Variants in PNPO observed in about 807,000 individuals in gnomAD.
The protein encoded by PNPO is pyridoxamine 5'-phosphate oxidase.
PNPO carries 39 observed loss-of-function variants against 35.0 expected under a neutral mutation model. The observed-to-expected ratio is 1.11, with a 90% CI of 0.86 to 1.45. The LOEUF (loss-of-function observed/expected upper bound fraction) is 1.45, where lower values mean the gene tolerates loss of function less well. PNPO is among the 40% of genes most tolerant of loss of function. PNPO has a pLI of 0.00. For synonymous variants in PNPO, 115 were observed against 119.8 expected (o/e 0.96, Z 0.26); for missense variants, 288 against 340.0 (o/e 0.85, Z 1.20).
intron 2 of PNPO, among the ~76,000 whole-genome samples, chr17:47,944,236 T>TGTGTGTG (rs56185758): frequency 2.1e-5 from 3 of 140,352 alleles, no homozygotes; most frequent in African/African-American, 8.0e-5. Flanking sequence ...TGTGTGTGTG[T>TGTGTGTG]TGTGGAGGGC....
chr17:47,945,720 C>A lies in PNPO; in HGVS notation c.417+108C>A. 7.0e-7 allele frequency: 1 copy of A among 1,433,068 alleles called. No individual in the cohort carries two copies. The highest frequency in any genetic ancestry group is 9.8e-7 in the Non-Finnish European group (1 of 1,017,684). The allele number at this position is 1,433,068 out of a possible 1,614,324, so 88.8% of individuals were successfully genotyped here. On this transcript the variant is annotated intron_variant, in intron 4 of 6. Transcript: ENST00000642017. This position sits in a 1 kb window ranked among gnomAD's most constrained non-coding sequence, Gnocchi z 4.0. ...AGACTGGGCAAACATCCCAGCTGGG[C>A]ACTCTGCCTCTAAAATAGCCCTCAG...
chr17:47,942,043 T>A, intron 1 of PNPO: 1 of 1,321,388 alleles, frequency 7.6e-7, no homozygotes, highest in Non-Finnish European at 9.7e-7. Context: ...AGGCAGCCTT[T>A]CGTAATGGGT....
Position 47,945,498 on chromosome 17 carries a change from C to A in PNPO, c.364-61C>A. ...CTACAGCTCTCCTGCCTTTTCCCTGCATGCCGGAGGCCTCCTCTCCCTGTC... is the reference window on the plus strand; with the variant it reads ...CTACAGCTCTCCTGCCTTTTCCCTGAATGCCGGAGGCCTCCTCTCCCTGTC... On this transcript the variant is annotated intron_variant, in intron 3 of 6. Coordinates refer to ENST00000642017, the MANE Select transcript of PNPO (RefSeq NM_018129.4). The surrounding 1 kb of genome is among the most constrained non-coding windows in gnomAD (Gnocchi z 4.0). The A allele has an allele frequency of 1.5e-6, 2 of 1,333,216 alleles. No individual in the cohort carries two copies. The highest frequency in any genetic ancestry group is 2.2e-6 in the Non-Finnish European group (2 of 923,868). The allele number at this position is 1,333,216 out of a possible 1,614,324, so 82.6% of individuals were successfully genotyped here. A position where few individuals can be genotyped will look rare whatever the true frequency, so the allele number is the denominator to read the frequency against.
chr17:47,946,435 C>T (rs575928781), intron 6 of PNPO, 42 bp downstream of exon 6: 1 of 1,520,384 alleles, frequency 6.6e-7, no homozygotes, highest in South Asian at 1.1e-5. Context: ...GACACCAGGC[C>T]CCTGTGTTTA....
intron 1 of PNPO, among the ~76,000 whole-genome samples, chr17:47,942,435 G>A (rs1470809585): frequency 2.0e-5 from 3 of 152,152 alleles, no homozygotes; most frequent in Non-Finnish European, 4.4e-5. Context: ...GTGCCAGGTG[G>A]GCATGGTCAT....
In PNPO at chr17:47,941,640, C is replaced by CG; in HGVS notation, c.-33dup. 3 of 1,509,542 alleles carry CG rather than the reference C, an allele frequency of 2.0e-6. No homozygotes were observed. Among genetic ancestry groups the CG allele is most frequent in the Non-Finnish European group, 2.7e-6 (3 of 1,120,732 alleles). The allele number at this position is 1,509,542 out of a possible 1,614,324, so 93.5% of individuals were successfully genotyped here. ...TTCCGAACTCAAAGGAACCCAGTGC[C>CG]GGGCCACAGCCGGGTCACGTGGCCG... On this transcript the variant is annotated 5_prime_UTR_variant, in exon 1 of 7. Coordinates refer to ENST00000642017, the MANE Select transcript of PNPO (RefSeq NM_018129.4).
intron 6 of PNPO, 69 bp downstream of exon 6, chr17:47,946,462 T>G (rs2036010245): frequency 7.1e-7 from 1 of 1,410,940 alleles, no homozygotes; most frequent in Non-Finnish European, 1.0e-6. Context: ...GCCACCTGCC[T>G]GGGGAATCAC....
Position 47,948,227 on chromosome 17 carries a change from T to G in PNPO, c.*1445T>G, listed in dbSNP as rs1294967503. 6.6e-6 allele frequency: 1 copy of G among 152,236 alleles called. No individual in the cohort carries two copies. The highest frequency in any genetic ancestry group is 1.5e-5 in the Non-Finnish European group (1 of 68,044). 9.4% of individuals were successfully genotyped at this position (152,236 alleles called of 1,614,324 possible). A position where few individuals can be genotyped will look rare whatever the true frequency, so the allele number is the denominator to read the frequency against. On this transcript the variant is annotated 3_prime_UTR_variant, in exon 7 of 7. Transcript: ENST00000642017. ...TGTTTTTTTATGGAAACTGTGTGTA[T>G]GTATACATACATTTTCCAAAAAGAA...
chr17:47,945,713 A>G lies in PNPO; in HGVS notation c.417+101A>G. On this transcript the variant is annotated intron_variant, in intron 4 of 6. Coordinates refer to ENST00000642017, the MANE Select transcript of PNPO (RefSeq NM_018129.4). The surrounding 1 kb of genome is among the most constrained non-coding windows in gnomAD (Gnocchi z 4.0). Reference sequence around the variant, plus strand: ...GGTCCCCAGACTGGGCAAACATCCCAGCTGGGCACTCTGCCTCTAAAATAG... The same window carrying G: ...GGTCCCCAGACTGGGCAAACATCCCGGCTGGGCACTCTGCCTCTAAAATAG... 6.9e-7 allele frequency: 1 copy of G among 1,440,160 alleles called. No individual in the cohort carries two copies. Among genetic ancestry groups the G allele is most frequent in the Non-Finnish European group, 9.8e-7 (1 of 1,023,124 alleles). 89.2% of individuals were successfully genotyped at this position (1,440,160 alleles called of 1,614,324 possible).
chr17:47,945,797 G>A lies in PNPO; in HGVS notation c.418-64G>A, dbSNP rs9894340. 7.0e-3 allele frequency: 11,086 copies of A among 1,589,292 alleles called. 567 individuals carry two copies. In the African/African-American group the frequency reaches 0.12, roughly 17 times the overall value. ...AGCCGATCGAACAGAGAGGAACGGG[G>A]CCTGTGCTGGTAGGGAGGGCAGGTG... On this transcript the variant is annotated intron_variant, in intron 4 of 6. Coordinates refer to ENST00000642017, the MANE Select transcript of PNPO (RefSeq NM_018129.4). The surrounding 1 kb of genome is among the most constrained non-coding windows in gnomAD (Gnocchi z 4.0).
rs1050911927 is a variant in PNPO at position 47,946,700 on chromosome 17, G to A, written c.704G>A (p.Gly235Asp). The A allele has an allele frequency of 1.2e-6, 2 of 1,614,060 alleles. No homozygotes were observed. The highest frequency in any genetic ancestry group is 1.7e-6 in the Non-Finnish European group (2 of 1,180,006). Residue 235 changes from glycine to aspartate, a missense_variant, in exon 7 of 7, where the codon GGC becomes GAC. By Grantham distance (94) the Gly-to-Asp change is moderately conservative (BLOSUM62 -1). Transcript: ENST00000642017. ...RLHDRIVFRR[G>D]LPTGDSPLGP... Reference sequence around the variant, plus strand: ...CATGACCGGATAGTCTTTCGGCGGGGCCTACCCACAGGAGATTCCCCTTTG... The same window carrying A: ...CATGACCGGATAGTCTTTCGGCGGGACCTACCCACAGGAGATTCCCCTTTG...
Position 47,945,325 on chromosome 17 carries a change from G to A in PNPO, c.364-234G>A, listed in dbSNP as rs2035993317. 1.8e-6 allele frequency: 1 copy of A among 542,158 alleles called. No homozygotes were observed. The allele number at this position is 542,158 out of a possible 1,614,324, so 33.6% of individuals were successfully genotyped here. Reference sequence around the variant, plus strand: ...AGAGAAATCACCCAGTCTCACTTTGGAGTCCGACTGGCTTAAACTTAGCTC... The same window carrying A: ...AGAGAAATCACCCAGTCTCACTTTGAAGTCCGACTGGCTTAAACTTAGCTC... On this transcript the variant is annotated intron_variant, in intron 3 of 6. Transcript: ENST00000642017. The surrounding 1 kb of genome is among the most constrained non-coding windows in gnomAD (Gnocchi z 4.0).
At chr17:47,943,800 C>G (rs2035973966) in intron 2 of PNPO, among the ~76,000 whole-genome samples, 1 of 152,220 alleles carries the variant, frequency 6.6e-6, no homozygotes, top group Admixed American at 6.5e-5. Context: ...CTATATCATT[C>G]CTTTGACAAT....
At chr17:47,941,906 C>A in intron 1 of PNPO, 93 bp downstream of exon 1, 1 of 1,416,536 alleles carries the variant, frequency 7.1e-7, no homozygotes, top group East Asian at 2.7e-5. Flanking sequence ...AGGAGCCCCT[C>A]GGGGCTTCTG....
At chr17:47,943,758 GTCTC>G in intron 2 of PNPO, among the ~76,000 whole-genome samples, 1 of 152,258 alleles carries the variant, frequency 6.6e-6, no homozygotes, top group African/African-American at 2.4e-5. Flanking sequence ...GTGAAGCTCT[GTCTC>G]TCTCTCGAAA....
chr17:47,941,788 G>A lies in PNPO; in HGVS notation c.113G>A (p.Arg38His), dbSNP rs866852548. Residue 38 changes from arginine (R) to histidine (H), a missense_variant, in exon 1 of 7, where the codon CGC (arginine) becomes CAC (histidine). Transcript: ENST00000642017. ...GCTGCCATGGACCTGGGACCCATGC[G>A]CAAGAGTTACCGCGGGGACCGAGAG... is the stretch of plus-strand genomic sequence containing the variant. ...RSAAMDLGPMRKSYRGDREAF... is the reference protein window; with the variant it reads ...RSAAMDLGPMHKSYRGDREAF... The A allele has an allele frequency of 3.8e-6, 6 of 1,569,806 alleles. No homozygotes were observed. The highest frequency in any genetic ancestry group is 3.7e-5 in the Admixed American group (2 of 54,156).
At chr17:47,941,944 G>A in intron 1 of PNPO, 131 bp downstream of exon 1, 1 of 1,364,722 alleles carries the variant, frequency 7.3e-7, no homozygotes, top group Non-Finnish European at 9.5e-7. Context: ...AAGGAGGTTT[G>A]AGGATCACCC....
chr17:47,946,088 T>C (rs909155183), intron 5 of PNPO, 99 bp downstream of exon 5: 1 of 1,447,266 alleles, frequency 6.9e-7, no homozygotes, highest in Non-Finnish European at 9.6e-7. Flanking sequence ...CCAGGAGATG[T>C]CCTCTCTCTC....
rs893311707 is a variant in PNPO, at chr17:47,948,153, T to G, written c.*1371T>G. ...TCAGGAATTTTGTAGAAGGGCTTCATGTGCTGGTACCAATAGGACAGGAAG... is the reference window on the plus strand; with the variant it reads ...TCAGGAATTTTGTAGAAGGGCTTCAGGTGCTGGTACCAATAGGACAGGAAG... On this transcript the variant is annotated 3_prime_UTR_variant, in exon 7 of 7. Coordinates refer to ENST00000642017, the MANE Select transcript of PNPO (RefSeq NM_018129.4). The G allele has an allele frequency of 2.0e-5, 3 of 152,226 alleles. No homozygotes were observed. Among genetic ancestry groups the G allele is most frequent in the African/African-American group, 7.2e-5 (3 of 41,466 alleles). The allele number at this position is 152,226 out of a possible 1,614,324, so 9.4% of individuals were successfully genotyped here.
Sources: gnomAD v4.1 joint callset for allele counts (sites outside exome capture counted in the v4.1 genomes callset) on GRCh38, gnomAD v4.1.1 for gene constraint, Gnocchi (gnomAD v3.1) non-coding constraint, MANE v1.5 for transcripts, NCBI Gene and HGNC (gene_info 2026-07-23, HGNC 2026-07-21) for gene names.